Variants in PPM1L observed in about 807,000 individuals in gnomAD.
The protein encoded by PPM1L is protein phosphatase 1L.
Under a neutral mutation model 31.4 loss-of-function variants are expected in PPM1L, and 13 were observed. The ratio of observed to expected loss-of-function variants is 0.41; its 90% confidence interval spans 0.27 to 0.66. PPM1L has a LOEUF of 0.66. Among genes scored for constraint, PPM1L ranks in the 30% least tolerant of loss-of-function variants. PPM1L has a pLI of 0.29. For synonymous variants in PPM1L, 184 were observed against 175.4 expected (o/e 1.05, Z -0.39); for missense variants, 326 against 453.7 (o/e 0.72, Z 2.56).
intron 2 of PPM1L, among the ~76,000 whole-genome samples, chr3:160,971,006 A>G (rs1447521551): frequency 1.3e-5 from 2 of 152,088 alleles, no homozygotes; most frequent in Non-Finnish European, 2.9e-5. Flanking sequence ...TAGCTCAGTT[A>G]TAATTCTTAC....
chr3:160,988,146 G>A (rs1449323593), intron 2 of PPM1L, among the ~76,000 whole-genome samples: 3 of 152,200 alleles, frequency 2.0e-5, no homozygotes, highest in African/African-American at 7.2e-5. Flanking sequence ...GACGCCATGA[G>A]GTGACTGAAG....
At chr3:160,779,562 G>A (rs922758749) in intron 1 of PPM1L, among the ~76,000 whole-genome samples, 1 of 151,932 alleles carries the variant, frequency 6.6e-6, no homozygotes, top group African/African-American at 2.4e-5. Flanking sequence ...TCATTCTGTT[G>A]CCCAGGCTGG....
chr3:161,009,155 A>G (rs998540926), intron 2 of PPM1L, among the ~76,000 whole-genome samples: 1 of 152,180 alleles, frequency 6.6e-6, no homozygotes. Flanking sequence ...TTGTTTGGTC[A>G]ATGCTAATAT....
chr3:160,972,506 A>C (rs1716384702), intron 2 of PPM1L, among the ~76,000 whole-genome samples: 1 of 152,108 alleles, frequency 6.6e-6, no homozygotes, highest in Non-Finnish European at 1.5e-5. Flanking sequence ...AGCTTCATCC[A>C]TGTCCCTACA....
chr3:160,999,449 C>T (rs979624131), intron 2 of PPM1L, among the ~76,000 whole-genome samples: 3 of 152,250 alleles, frequency 2.0e-5, no homozygotes, highest in East Asian at 1.9e-4. Context: ...CCCACCTGGC[C>T]GCCAGAGGGA....
At position 160,837,285 on chromosome 3, in the gene PPM1L, C is replaced by G. The variant is rs117747560; in HGVS notation, c.399+80578C>G. ...CTTTGCATAAGACCATCTGGGTCTA[C>G]TGGTTGAATGGTAAGAGAAGGGAGT... is the stretch of plus-strand genomic sequence containing the variant. On this transcript the variant is annotated intron_variant, in intron 1 of 3. Coordinates refer to ENST00000498165, the MANE Select transcript of PPM1L (RefSeq NM_139245.4). Among the ~76,000 whole-genome samples, 10 of 152,070 alleles carry G rather than the reference C, an allele frequency of 6.6e-5. No homozygotes were observed. The East Asian group carries it at 1.7e-3, about 26-fold the overall frequency.
chr3:160,759,445 G>A (rs949721055), intron 1 of PPM1L, among the ~76,000 whole-genome samples: 2 of 151,812 alleles, frequency 1.3e-5, no homozygotes, highest in Non-Finnish European at 2.9e-5. Flanking sequence ...AAGCTGAGAT[G>A]CTGATAGCTG....
chr3:160,879,293 G>A (rs373718296), intron 1 of PPM1L, among the ~76,000 whole-genome samples: 48 of 152,054 alleles, frequency 3.2e-4, no homozygotes, highest in African/African-American at 1.1e-3. Context: ...TTTTCAATTG[G>A]ATTACTCAAA....
chr3:160,891,167 C>T (rs1713124260), intron 1 of PPM1L, among the ~76,000 whole-genome samples: 1 of 152,138 alleles, frequency 6.6e-6, no homozygotes, highest in East Asian at 1.9e-4. Flanking sequence ...GCAAAAGAAA[C>T]TATCATCAGA....
chr3:160,858,371 T>G (rs1039418845), intron 1 of PPM1L, among the ~76,000 whole-genome samples: 27 of 152,098 alleles, frequency 1.8e-4, no homozygotes, highest in African/African-American at 6.3e-4. Context: ...CTCAGCCTCC[T>G]GAGTAGCTAG....
chr3:161,025,404 C>A (rs1718350378), intron 2 of PPM1L, among the ~76,000 whole-genome samples: 1 of 151,742 alleles, frequency 6.6e-6, no homozygotes, highest in African/African-American at 2.4e-5. Flanking sequence ...CTTCTAAAAA[C>A]TTAAAAAAAA....
intron 1 of PPM1L, among the ~76,000 whole-genome samples, chr3:160,819,598 G>A (rs1713130842): frequency 6.6e-6 from 1 of 151,916 alleles, no homozygotes; most frequent in African/African-American, 2.4e-5. Context: ...GTGTTATAGG[G>A]TATCCTACAG....
chr3:160,786,274 G>C (rs1576637078), intron 1 of PPM1L, among the ~76,000 whole-genome samples: 1 of 137,184 alleles, frequency 7.3e-6, no homozygotes, highest in East Asian at 2.2e-4. Flanking sequence ...CTGGAGTGCA[G>C]AGACATGATC....
At chr3:161,037,581 A>AT (rs58432151) in intron 2 of PPM1L, among the ~76,000 whole-genome samples, 1,280 of 119,692 alleles carry the variant, frequency 0.011, 17 homozygotes, top group Middle Eastern at 0.024. Context: ...TGCCCGGCTA[A>AT]TTTTTTTTTT....
At chr3:160,939,906 A>T (rs1199804920) in intron 1 of PPM1L, among the ~76,000 whole-genome samples, 1 of 152,196 alleles carries the variant, frequency 6.6e-6, no homozygotes, top group African/African-American at 2.4e-5. Context: ...GGCTCAGAAG[A>T]AGACAGGAAA....
chr3:160,773,503 A>G (rs963948750), intron 1 of PPM1L, among the ~76,000 whole-genome samples: 3 of 152,210 alleles, frequency 2.0e-5, no homozygotes, highest in African/African-American at 7.2e-5. Flanking sequence ...TAACCAGGGA[A>G]TCAGATGGAA....
intron 2 of PPM1L, among the ~76,000 whole-genome samples, chr3:161,027,373 A>T (rs1718432268): frequency 6.6e-6 from 1 of 152,222 alleles, no homozygotes; most frequent in Non-Finnish European, 1.5e-5. Flanking sequence ...GACATACCTG[A>T]CACTGGGTAA....
chr3:160,908,472 A>G (rs1287649445), intron 1 of PPM1L, among the ~76,000 whole-genome samples: 1 of 152,232 alleles, frequency 6.6e-6, no homozygotes, highest in Non-Finnish European at 1.5e-5. Context: ...ACTTGGAGAA[A>G]AAGTCTACTT....
chr3:160,906,770 G>C (rs1165301540), intron 1 of PPM1L, among the ~76,000 whole-genome samples: 2 of 152,132 alleles, frequency 1.3e-5, no homozygotes, highest in Non-Finnish European at 2.9e-5. Context: ...TGTGGTTGTT[G>C]GCAGAAAAAA....
Sources: gnomAD v4.1 joint callset for allele counts (sites outside exome capture counted in the v4.1 genomes callset) on GRCh38, gnomAD v4.1.1 for gene constraint, MANE v1.5 for transcripts, NCBI Gene and HGNC (gene_info 2026-07-23, HGNC 2026-07-21) for gene names.